The following ALK variants were observed in gnomAD, a reference collection of about 807,000 sequenced individuals.
ALK encodes ALK receptor tyrosine kinase.
ALK carries 74 observed loss-of-function variants against 163.1 expected under a neutral mutation model. The ratio of observed to expected loss-of-function variants is 0.45; its 90% confidence interval spans 0.38 to 0.55. The LOEUF (loss-of-function observed/expected upper bound fraction) is 0.55. Ranked by LOEUF, ALK falls within the 20% of genes least tolerant of loss-of-function variation. The pLI is 0.00. For synonymous variants in ALK, 960 were observed against 843.2 expected, an observed-to-expected ratio of 1.14 and a Z score of -2.40; for missense variants, 2,063 against 2,105.3, an observed-to-expected ratio of 0.98 and a Z score of 0.39.
intron 6 of ALK, among the ~76,000 whole-genome samples, chr2:29,327,350 A>C (rs188888263): frequency 3.4e-4 from 52 of 152,332 alleles, no homozygotes; most frequent in Admixed American, 1.6e-3. Context: ...ACCAGACTCA[A>C]ACCACCCACA....
chr2:29,233,779 A>G, intron 13 of ALK, 83 bp from the exon 14 acceptor site: 1 of 1,573,018 alleles, frequency 6.4e-7, no homozygotes, highest in South Asian at 1.1e-5. Context: ...ATGCTTAAAA[A>G]CAGGATCTGA....
intron 1 of ALK, among the ~76,000 whole-genome samples, chr2:29,819,003 G>C (rs1225665959): frequency 1.3e-5 from 2 of 152,194 alleles, no homozygotes; most frequent in Admixed American, 6.5e-5. Flanking sequence ...AGTCCAGCCA[G>C]AGTGGAGAAA....
At chr2:29,293,161 C>A (rs901092943) in intron 9 of ALK, among the ~76,000 whole-genome samples, 1 of 152,190 alleles carries the variant, frequency 6.6e-6, no homozygotes, top group African/African-American at 2.4e-5. Flanking sequence ...ATACAGAACA[C>A]TTTGCAGTAG....
In ALK at chr2:29,890,245, C is replaced by A. The variant is rs1667109415; in HGVS notation, c.667+29748G>T. 8 of 152,274 alleles carry A rather than the reference C, an allele frequency of 5.3e-5. No homozygotes were observed. In the South Asian group the frequency reaches 1.7e-3, roughly 32 times the overall value. The allele number at this position is 152,274 out of a possible 1,614,324, so 9.4% of individuals were successfully genotyped here. ...GGGGCTATGTCTTATGTTTGGTAAC[C>A]CCTTTTAGTACCATACCTAACCTAA... On this transcript the variant is annotated intron_variant, in intron 1 of 28. Transcript: ENST00000389048.
At chr2:29,281,278 C>A (rs2148219639) in intron 9 of ALK, among the ~76,000 whole-genome samples, 1 of 152,264 alleles carries the variant, frequency 6.6e-6, no homozygotes, top group South Asian at 2.1e-4. Flanking sequence ...CACTTTGAAA[C>A]CTCAGCTCTG....
intron 2 of ALK, among the ~76,000 whole-genome samples, chr2:29,710,499 CGTGTGTGTGT>C (rs55939983): frequency 2.0e-4 from 29 of 144,764 alleles, no homozygotes; most frequent in African/African-American, 3.3e-4. Context: ...AGTCTGTGTG[CGTGTGTGTGT>C]GTGTGTGTGT....
chr2:29,281,380 C>T (rs984403311), intron 9 of ALK, among the ~76,000 whole-genome samples: 1 of 152,098 alleles, frequency 6.6e-6, no homozygotes, highest in South Asian at 2.1e-4. Context: ...AAGCGTTAGC[C>T]CTTTGGGGTT....
chr2:29,389,568 T>C (rs1485194916), intron 4 of ALK, among the ~76,000 whole-genome samples: 1 of 152,232 alleles, frequency 6.6e-6, no homozygotes, highest in Non-Finnish European at 1.5e-5. Flanking sequence ...ATTCATCACA[T>C]GTCTCCAATG....
intron 1 of ALK, among the ~76,000 whole-genome samples, chr2:29,772,113 G>A (rs371980714): frequency 6.6e-6 from 1 of 152,294 alleles, no homozygotes; most frequent in East Asian, 1.9e-4. Flanking sequence ...CAGGGAAGAG[G>A]GCTCCAGGAG....
At chr2:29,336,378 C>T (rs1667615030) in intron 5 of ALK, among the ~76,000 whole-genome samples, 1 of 152,210 alleles carries the variant, frequency 6.6e-6, no homozygotes, top group African/African-American at 2.4e-5. Context: ...TTTCCAAAGC[C>T]ACACACCCAG....
chr2:29,271,804 C>A (rs779310865), intron 11 of ALK, among the ~76,000 whole-genome samples: 1 of 152,206 alleles, frequency 6.6e-6, no homozygotes, highest in Non-Finnish European at 1.5e-5. Flanking sequence ...GATGTGTATG[C>A]AGAAAATGGC....
At chr2:29,401,334 G>A (rs931325521) in intron 4 of ALK, among the ~76,000 whole-genome samples, 15 of 152,114 alleles carry the variant, frequency 9.9e-5, no homozygotes, top group Admixed American at 6.5e-5. Flanking sequence ...AGTGTCTGCT[G>A]TTACTTTCCC....
At chr2:29,362,969 C>T (rs1206760284) in intron 5 of ALK, among the ~76,000 whole-genome samples, 1 of 152,196 alleles carries the variant, frequency 6.6e-6, no homozygotes, top group Admixed American at 6.5e-5. Flanking sequence ...GTATTTCCAT[C>T]ACATCACCAC....
chr2:29,535,786 T>C (rs956672517), intron 3 of ALK, among the ~76,000 whole-genome samples: 8 of 152,214 alleles, frequency 5.3e-5, no homozygotes, highest in Non-Finnish European at 1.2e-4. Context: ...AGTAATTCTA[T>C]CTGCCTGCCT....
In ALK at chr2:29,296,965, C is replaced by T. The variant is rs1460645072; in HGVS notation, c.1740G>A (p.Met580Ile). ...ENKTGKEQGR[M>I]VWHVAAYEGL... ...CTTCATAGGCGGCGACATGCCAGAC[C>T]ATCCTGCCTTGCTCCTTCCCGGTTT... The change falls in exon 9 of 29, where the codon ATG becomes ATA. Residue 580 changes from methionine to isoleucine, a missense_variant. Physicochemically the swap from Met to Ile is conservative, Grantham distance 10 (BLOSUM62 1). Coordinates refer to ENST00000389048, the MANE Select transcript of ALK (RefSeq NM_004304.5). 3.7e-6 allele frequency: 6 copies of T among 1,614,082 alleles called. No individual in the cohort carries two copies. The East Asian group carries it at 6.7e-5, about 18-fold the overall frequency.
At chr2:29,629,752 C>G (rs910718473) in intron 3 of ALK, among the ~76,000 whole-genome samples, 3 of 152,136 alleles carry the variant, frequency 2.0e-5, no homozygotes, top group African/African-American at 7.2e-5. Flanking sequence ...CTAATCCTGA[C>G]AGCAACCCTC....
chr2:29,712,240 CAG>C (rs1263705562), intron 2 of ALK, among the ~76,000 whole-genome samples: 1 of 152,142 alleles, frequency 6.6e-6, no homozygotes, highest in Non-Finnish European at 1.5e-5. Flanking sequence ...CTTTGGGACT[CAG>C]ACTTTGTGGT....
At chr2:29,217,033 CTG>C (rs1669641528) in intron 23 of ALK, among the ~76,000 whole-genome samples, 2 of 113,678 alleles carry the variant, frequency 1.8e-5, no homozygotes, top group East Asian at 2.8e-4. Context: ...TGGTATGTGT[CTG>C]GGGGCATGTG....
chr2:29,771,548 T>C (rs1328678973), intron 1 of ALK, among the ~76,000 whole-genome samples: 1 of 151,030 alleles, frequency 6.6e-6, no homozygotes, highest in Non-Finnish European at 1.5e-5. Flanking sequence ...TTTTTTTGGG[T>C]TGGGGGAGCT....
Sources: gnomAD v4.1 joint callset for allele counts (sites outside exome capture counted in the v4.1 genomes callset) on GRCh38, gnomAD v4.1.1 for gene constraint, MANE v1.5 for transcripts, NCBI Gene and HGNC (gene_info 2026-07-23, HGNC 2026-07-21) for gene names.